The following MMP16 variants were observed in gnomAD, a reference collection of about 807,000 sequenced individuals.
The protein encoded by MMP16 is matrix metallopeptidase 16.
Under a neutral mutation model 67.8 loss-of-function variants are expected in MMP16, and 12 were observed. That is an observed-to-expected ratio of 0.18 (90% CI 0.11 to 0.29). The LOEUF (loss-of-function observed/expected upper bound fraction) is 0.29. Ranked by LOEUF, MMP16 falls within the 10% of genes least tolerant of loss-of-function variation. The pLI is 1.00. For missense variants in MMP16, 475 were observed against 765.7 expected, an observed-to-expected ratio of 0.62 and a Z score of 4.48; for synonymous variants, 249 against 255.9, an observed-to-expected ratio of 0.97 and a Z score of 0.26.
At chr8:88,161,098 A>C (rs1285668022) in intron 4 of MMP16, among the ~76,000 whole-genome samples, 4 of 152,060 alleles carry the variant, frequency 2.6e-5, no homozygotes, top group Non-Finnish European at 5.9e-5. Flanking sequence ...TTTTCTATTG[A>C]TTAGAATAGT....
intron 1 of MMP16, among the ~76,000 whole-genome samples, chr8:88,238,473 C>T (rs1361866953): frequency 6.6e-6 from 1 of 151,426 alleles, no homozygotes; most frequent in African/African-American, 2.4e-5. Flanking sequence ...ACCCGGCCAA[C>T]ATGGTGAAAC....
At chr8:88,144,950 T>C (rs955406603) in intron 4 of MMP16, among the ~76,000 whole-genome samples, 68 of 152,010 alleles carry the variant, frequency 4.5e-4, no homozygotes, top group Admixed American at 2.2e-3. Context: ...ATAAGTCAAT[T>C]CCTGCAGTTA....
Position 88,263,987 on chromosome 8 carries a change from AGTGT to A in MMP16, c.132+63084_132+63087del, listed in dbSNP as rs56663859. ...GAGAGAGAGAGAAAGAGAGAGAGAG[AGTGT>A]GTGTGTGTGTGTGTGTGTGCAACTT... On this transcript the variant is annotated intron_variant, in intron 1 of 9. Coordinates refer to ENST00000286614, the MANE Select transcript of MMP16 (RefSeq NM_005941.5). 6.2e-3 allele frequency among the ~76,000 whole-genome samples: 876 copies of A among 142,040 alleles called. 9 individuals are homozygous for A. The highest frequency in any genetic ancestry group is 0.021 in the African/African-American group (809 of 37,750). 93.2% of individuals were successfully genotyped at this position (142,040 alleles called of 152,430 possible).
chr8:88,235,480 C>T (rs1215009361), intron 1 of MMP16, among the ~76,000 whole-genome samples: 2 of 151,316 alleles, frequency 1.3e-5, no homozygotes, highest in Non-Finnish European at 2.9e-5. Flanking sequence ...TTCTAACCTG[C>T]TAGTTAAACT....
At chr8:88,158,017 C>T (rs1445104605) in intron 4 of MMP16, among the ~76,000 whole-genome samples, 1 of 152,116 alleles carries the variant, frequency 6.6e-6, no homozygotes, top group African/African-American at 2.4e-5. Context: ...TTTTTTATGG[C>T]TGCATAGTAT....
At chr8:88,291,820 AATAG>A (rs1408713797) in intron 1 of MMP16, among the ~76,000 whole-genome samples, 7 of 152,238 alleles carry the variant, frequency 4.6e-5, no homozygotes, top group Non-Finnish European at 1.0e-4. Flanking sequence ...AAACATTTTC[AATAG>A]ATAGGTTTTT....
chr8:88,327,102 G>A lies in MMP16; in HGVS notation c.105C>T (p.Cys35=). The change falls in exon 1 of 10, where the codon TGC becomes TGT. Residue 35 remains cysteine (C), a synonymous_variant. Transcript: ENST00000286614. ...CCACATTGAAATACTGCTCCGTTCC[G>A]CAGACTGTAGCACATAAAATCCAAA... is the stretch of plus-strand genomic sequence containing the variant. The part of the protein sequence containing the change: ...TLLWILCATV[C]GTEQYFNVEV... The A allele has an allele frequency of 1.2e-6, 2 of 1,613,868 alleles. No homozygotes were observed. Among genetic ancestry groups the A allele is most frequent in the Non-Finnish European group, 1.7e-6 (2 of 1,179,910 alleles).
chr8:88,171,129 A>G (rs1037896021), intron 3 of MMP16, among the ~76,000 whole-genome samples: 2 of 152,212 alleles, frequency 1.3e-5, no homozygotes, highest in Non-Finnish European at 2.9e-5. Flanking sequence ...GAAGCAAAAT[A>G]ATATAATAAA....
chr8:88,081,789 T>G (rs952875691), intron 6 of MMP16, among the ~76,000 whole-genome samples: 1 of 152,098 alleles, frequency 6.6e-6, no homozygotes, highest in Non-Finnish European at 1.5e-5. Context: ...TTAAAATGTA[T>G]TACTAGATTC....
intron 1 of MMP16, among the ~76,000 whole-genome samples, chr8:88,318,939 G>A (rs1448296421): frequency 6.6e-6 from 1 of 152,150 alleles, no homozygotes; most frequent in Non-Finnish European, 1.5e-5. Context: ...CCAGTCATCA[G>A]CGGGAATTCA....
At chr8:88,302,625 T>C (rs1414556357) in intron 1 of MMP16, among the ~76,000 whole-genome samples, 1 of 152,044 alleles carries the variant, frequency 6.6e-6, no homozygotes, top group East Asian at 1.9e-4. Flanking sequence ...AAAATAGGTA[T>C]GCATATGTGT....
At position 88,116,694 on chromosome 8, in the gene MMP16, G is replaced by A; in HGVS notation, c.896C>T (p.Pro299Leu). ...GGGCACTGTCGGTAGAGGTCTTGTA[G>A]GTGGAGGAATCTTGTCAGGTGGACC... Reference protein sequence around the residue: ...IYGPPDKIPPPTRPLPTVPPH... With the variant: ...IYGPPDKIPPLTRPLPTVPPH... Residue 299 changes from proline (P) to leucine (L), a missense_variant, in exon 6 of 10, where the codon CCT becomes CTT. Physicochemically the swap from Pro to Leu is moderately conservative, Grantham distance 98. Coordinates refer to ENST00000286614, the MANE Select transcript of MMP16 (RefSeq NM_005941.5). 6.2e-7 allele frequency: 1 copy of A among 1,613,628 alleles called. No homozygotes were observed. The highest frequency in any genetic ancestry group is 8.5e-7 in the Non-Finnish European group (1 of 1,179,742).
At chr8:88,201,142 C>CA (rs1809337499) in intron 1 of MMP16, among the ~76,000 whole-genome samples, 27 of 111,426 alleles carry the variant, frequency 2.4e-4, no homozygotes, top group Non-Finnish European at 4.3e-4. Flanking sequence ...CCTTTCCCCC[C>CA]CCAAAAAAAA....
intron 3 of MMP16, among the ~76,000 whole-genome samples, chr8:88,183,491 A>G (rs1432756074): frequency 6.6e-6 from 1 of 152,174 alleles, no homozygotes; most frequent in Admixed American, 6.5e-5. Flanking sequence ...ATATAATCTG[A>G]GACTAATGAT....
intron 1 of MMP16, among the ~76,000 whole-genome samples, chr8:88,255,121 C>A (rs778692829): frequency 2.6e-5 from 4 of 152,156 alleles, no homozygotes; most frequent in Non-Finnish European, 4.4e-5. Context: ...TGGGGCCTGG[C>A]AGAAGATGTT....
chr8:88,216,540 A>G (rs1006172096), intron 1 of MMP16, among the ~76,000 whole-genome samples: 6 of 152,034 alleles, frequency 3.9e-5, no homozygotes, highest in Non-Finnish European at 8.8e-5. Context: ...TTTCAAAATC[A>G]TTAGTTGCCT....
intron 4 of MMP16, among the ~76,000 whole-genome samples, chr8:88,141,421 G>A (rs1808208783): frequency 6.6e-6 from 1 of 152,132 alleles, no homozygotes; most frequent in Non-Finnish European, 1.5e-5. Context: ...CAGGTATTTA[G>A]CTGGAGTTAA....
intron 4 of MMP16, among the ~76,000 whole-genome samples, chr8:88,150,737 G>A (rs1186088444): frequency 4.7e-5 from 7 of 148,512 alleles, no homozygotes; most frequent in South Asian, 4.4e-4. Context: ...AGGAACAACC[G>A]GTACCAGCCG....
rs1273225876 is a variant in MMP16, at chr8:88,282,066, AT to A, written c.132+45008del. 9.0e-5 allele frequency among the ~76,000 whole-genome samples: 9 copies of A among 99,480 alleles called. No homozygotes were observed. In the South Asian group the frequency reaches 1.5e-3, roughly 16 times the overall value. 65.3% of individuals were successfully genotyped at this position (99,480 alleles called of 152,430 possible). A position where few individuals can be genotyped will look rare whatever the true frequency, so the allele number is the denominator to read the frequency against. ...TTAAAATCAATACTAAAAATTCCAG[AT>A]TTTTTTTTCTTTTTTGGGGGGGGGG... is the stretch of plus-strand genomic sequence containing the variant. On this transcript the variant is annotated intron_variant, in intron 1 of 9. Transcript: ENST00000286614.
Sources: gnomAD v4.1 joint callset for allele counts (sites outside exome capture counted in the v4.1 genomes callset) on GRCh38, gnomAD v4.1.1 for gene constraint, MANE v1.5 for transcripts, NCBI Gene and HGNC (gene_info 2026-07-23, HGNC 2026-07-21) for gene names.